The following TTLL6 variants were observed in gnomAD, a reference collection of about 807,000 sequenced individuals.
TTLL6 encodes tubulin tyrosine ligase like 6, also known as tubulin polyglutamylase TTLL6.
In TTLL6, 75 loss-of-function variants were observed where a neutral mutation model predicts 96.4. That is an observed-to-expected ratio of 0.78 (90% CI 0.65 to 0.94). TTLL6 has a LOEUF of 0.94. TTLL6 is among the 40% of genes least tolerant of loss of function. The probability of loss-of-function intolerance (pLI) is 0.00; values close to 1 mark genes in which losing one functional copy is unlikely to be tolerated. For missense variants in TTLL6, 1,030 were observed against 1,093.0 expected, an observed-to-expected ratio of 0.94 and a Z score of 0.81; for synonymous variants, 411 against 419.4, an observed-to-expected ratio of 0.98 and a Z score of 0.24.
At chr17:48,804,342 T>C (rs1450624617) in intron 2 of TTLL6, 1 of 483,554 alleles carries the variant, frequency 2.1e-6, no homozygotes, top group East Asian at 6.2e-5. Context: ...CCTTCATCAA[T>C]CAGTCTGAAT....
intron 15 of TTLL6, among the ~76,000 whole-genome samples, chr17:48,766,949 G>C (rs1482689786): frequency 6.6e-6 from 1 of 151,840 alleles, no homozygotes; most frequent in Non-Finnish European, 1.5e-5. Flanking sequence ...GTTTTGTTTT[G>C]TTTTGTTTTG....
chr17:48,801,119 C>G (rs956519884), intron 5 of TTLL6, 136 bp downstream of exon 5: 3 of 778,824 alleles, frequency 3.9e-6, no homozygotes, highest in South Asian at 3.5e-5. Context: ...CCCTTTATCC[C>G]TTCTCTTCCT....
intron 1 of TTLL6, among the ~76,000 whole-genome samples, chr17:48,813,265 G>A (rs552608247): frequency 2.0e-5 from 3 of 152,250 alleles, no homozygotes; most frequent in Admixed American, 2.0e-4. Context: ...TCTCTTAAGA[G>A]TCAGTTGGGG....
At chr17:48,810,178 A>C (rs1428305552) in intron 1 of TTLL6, among the ~76,000 whole-genome samples, 2 of 151,898 alleles carry the variant, frequency 1.3e-5, no homozygotes, top group Non-Finnish European at 2.9e-5. Context: ...AAGAAAAAAA[A>C]GGTCAAATTA....
At chr17:48,794,102 G>C (rs553861591) in intron 8 of TTLL6, 2 of 1,555,292 alleles carry the variant, frequency 1.3e-6, no homozygotes, top group Non-Finnish European at 1.8e-6. Context: ...CTCCAGGAGA[G>C]AGTGGATGGA....
At chr17:48,812,114 G>A (rs924347256) in intron 1 of TTLL6, 3 of 123,786 alleles carry the variant, frequency 2.4e-5, no homozygotes, top group Non-Finnish European at 4.7e-5. Context: ...ACTTTATTTG[G>A]TTCTACAAGA....
intron 1 of TTLL6, among the ~76,000 whole-genome samples, chr17:48,813,257 T>C (rs573532): frequency 0.63 from 95,939 of 152,016 alleles, 30,600 homozygotes; most frequent in East Asian, 0.92. Context: ...GACTTTAGTC[T>C]CTTAAGAGTC....
Position 48,785,018 on chromosome 17 carries a change from T to A in TTLL6, c.1945A>T (p.Asn649Tyr), listed in dbSNP as rs975218322. Residue 649 changes from asparagine to tyrosine, a missense_variant, in exon 13 of 16, where the codon AAT becomes TAT. Physicochemically the swap from Asn to Tyr is moderately radical, Grantham distance 143. Transcript: ENST00000393382. ...GGCTCCAACTTCGAGCTGCTGAGAT[T>A]GATATTCCTCAGATCGGGTAGAGAA... The part of the protein sequence containing the change: ...FSSLPDLRNI[N>Y]LSSSKLEPSK... 6.2e-7 allele frequency: 1 copy of A among 1,613,982 alleles called. No individual in the cohort carries two copies. The highest frequency in any genetic ancestry group is 1.7e-5 in the Admixed American group (1 of 59,986).
At chr17:48,787,192 T>C (rs565842077) in intron 11 of TTLL6, among the ~76,000 whole-genome samples, 2 of 152,258 alleles carry the variant, frequency 1.3e-5, no homozygotes, top group East Asian at 3.9e-4. Flanking sequence ...AATGAGCTGG[T>C]AGGAGAGGAC....
chr17:48,791,349 G>A (rs143377841), intron 9 of TTLL6, 29 bp downstream of exon 9: 51 of 1,600,440 alleles, frequency 3.2e-5, no homozygotes, highest in African/African-American at 6.7e-5. Flanking sequence ...ACAGGAGTTC[G>A]TTTTCGCCCC....
chr17:48,785,271 AC>A, intron 12 of TTLL6, 70 bp from the exon 13 acceptor site: 1 of 1,595,634 alleles, frequency 6.3e-7, no homozygotes, highest in Non-Finnish European at 8.5e-7. Context: ...ATTCATCTGC[AC>A]CCAGGGGTAG....
At chr17:48,772,377 C>T (rs1342989667) in intron 13 of TTLL6, among the ~76,000 whole-genome samples, 1 of 151,520 alleles carries the variant, frequency 6.6e-6, no homozygotes, top group Non-Finnish European at 1.5e-5. Flanking sequence ...ATGAGATGAC[C>T]CAAATGTTGG....
intron 13 of TTLL6, among the ~76,000 whole-genome samples, chr17:48,784,663 G>A (rs1260821084): frequency 6.6e-6 from 1 of 152,144 alleles, no homozygotes; most frequent in Non-Finnish European, 1.5e-5. Flanking sequence ...CACCAAGTTG[G>A]AGGCAATTTG....
At chr17:48,805,309 G>C (rs949984672) in intron 1 of TTLL6, among the ~76,000 whole-genome samples, 26 of 152,196 alleles carry the variant, frequency 1.7e-4, no homozygotes, top group African/African-American at 6.3e-4. Context: ...GTGAGTGTCT[G>C]GAGACAGCGA....
At chr17:48,813,735 T>A (rs2039625789) in intron 1 of TTLL6, among the ~76,000 whole-genome samples, 1 of 152,184 alleles carries the variant, frequency 6.6e-6, no homozygotes, top group Non-Finnish European at 1.5e-5. Flanking sequence ...CTCTTTCCCT[T>A]CTTTTCTCCA....
At chr17:48,807,255 T>TA (rs1424440919) in intron 1 of TTLL6, among the ~76,000 whole-genome samples, 3 of 150,176 alleles carry the variant, frequency 2.0e-5, no homozygotes, top group South Asian at 2.1e-4. Context: ...CACACCCGGC[T>TA]AGTTTTGTAT....
intron 15 of TTLL6, among the ~76,000 whole-genome samples, chr17:48,763,905 A>G (rs2038539159): frequency 6.6e-6 from 1 of 152,198 alleles, no homozygotes; most frequent in African/African-American, 2.4e-5. Context: ...CAGAGGTTGC[A>G]GTGAGCTGAG....
intron 10 of TTLL6, 34 bp downstream of exon 10, chr17:48,789,897 G>C: frequency 1.9e-6 from 3 of 1,607,860 alleles, no homozygotes; most frequent in Non-Finnish European, 2.5e-6. Context: ...GAGTCAGAGA[G>C]AGAGCCCCGC....
At chr17:48,794,094 C>G (rs2039277073) in intron 8 of TTLL6, 3 of 1,546,594 alleles carry the variant, frequency 1.9e-6, no homozygotes, top group Non-Finnish European at 2.6e-6. Context: ...CACGGCTGCT[C>G]CAGGAGAGAG....
Sources: allele counts gnomAD v4.1 joint callset (sites outside exome capture counted in the v4.1 genomes callset), GRCh38; gene constraint gnomAD v4.1.1; transcripts MANE v1.5; gene names NCBI Gene and HGNC (gene_info 2026-07-23, HGNC 2026-07-21).